TUT7: variants seen among roughly 807,000 people sequenced by gnomAD.
The protein encoded by TUT7 is terminal uridylyltransferase 7.
TUT7 carries 33 observed loss-of-function variants against 165.9 expected under a neutral mutation model. The observed-to-expected ratio is 0.20, with a 90% CI of 0.15 to 0.27. The LOEUF is 0.27. TUT7 is among the 10% of genes least tolerant of loss of function. The pLI, the probability that TUT7 is intolerant of heterozygous loss-of-function variation, is 1.00. For missense variants in TUT7, 1,338 were observed against 1,762.3 expected (o/e 0.76, Z 4.31); for synonymous variants, 552 against 608.1 (o/e 0.91, Z 1.36).
Position 86,346,448 on chromosome 9 carries a change from G to A in TUT7, c.553C>T (p.Pro185Ser). 7 of 1,613,914 alleles carry A rather than the reference G, an allele frequency of 4.3e-6. No individual in the cohort carries two copies. Among genetic ancestry groups the A allele is most frequent in the Non-Finnish European group, 5.9e-6 (7 of 1,179,886 alleles). The change falls in exon 3 of 27, where the codon CCA becomes TCA. Residue 185 changes from proline (P) to serine (S), a missense_variant. Around this residue, in one of 7 missense-constraint regions of TUT7, gnomAD observed 434 missense variants for 480.8 expected, o/e 0.90. Coordinates refer to ENST00000375963, the MANE Select transcript of TUT7 (RefSeq NM_024617.4). ...TTTTCCTCATTTCTAGTCTTCCGTG[G>A]CTTCCTAGGTCTGGACCTCTGCTTC... ...NKKQRSRPRK[P>S]RKTRNEENEQ... is the part of the protein sequence containing the mutation.
intron 26 of TUT7, among the ~76,000 whole-genome samples, chr9:86,294,501 C>T (rs1418279755): frequency 1.3e-5 from 2 of 151,750 alleles, no homozygotes; most frequent in Non-Finnish European, 2.9e-5. Flanking sequence ...TGTAATATAT[C>T]TTCTATTCCC....
chr9:86,352,434 T>G, intron 2 of TUT7: 1 of 573,374 alleles, frequency 1.7e-6, no homozygotes, highest in Non-Finnish European at 3.1e-6. Flanking sequence ...AAAACATGTT[T>G]ACTGACGTAA....
At chr9:86,317,660 T>C (rs933297524) in intron 16 of TUT7, among the ~76,000 whole-genome samples, 4 of 152,214 alleles carry the variant, frequency 2.6e-5, no homozygotes, top group African/African-American at 9.7e-5. Context: ...CCCAGCTCAT[T>C]CATTCTAAGC....
intron 26 of TUT7, among the ~76,000 whole-genome samples, chr9:86,291,268 C>T (rs1825874185): frequency 6.6e-6 from 1 of 151,992 alleles, no homozygotes; most frequent in Admixed American, 6.6e-5. Context: ...AGACAATTCA[C>T]AGAAGAGGAA....
chr9:86,310,639 G>C (rs1827966645), intron 18 of TUT7, 67 bp downstream of exon 18: 2 of 818,216 alleles, frequency 2.4e-6, no homozygotes, highest in South Asian at 3.0e-5. Context: ...TTTAACTTGA[G>C]GTTTTTGCAA....
intron 10 of TUT7, among the ~76,000 whole-genome samples, chr9:86,329,005 T>C (rs1830062729): frequency 6.6e-6 from 1 of 152,172 alleles, no homozygotes; most frequent in South Asian, 2.1e-4. Flanking sequence ...GACAACTATA[T>C]TGCTAGAAAA....
At chr9:86,304,329 G>A (rs1827251701) in intron 24 of TUT7, among the ~76,000 whole-genome samples, 1 of 152,092 alleles carries the variant, frequency 6.6e-6, no homozygotes, top group Admixed American at 6.5e-5. Context: ...TTCTCTCACT[G>A]AAATTATTTT....
chr9:86,338,984 A>G (rs1338434207), intron 8 of TUT7, 35 bp from the exon 9 acceptor site: 1 of 1,528,350 alleles, frequency 6.5e-7, no homozygotes, highest in East Asian at 2.3e-5. Flanking sequence ...TGGGAAAGAA[A>G]AAAAGAAAAA....
chr9:86,300,310 A>G (rs1826758761), intron 26 of TUT7, among the ~76,000 whole-genome samples: 1 of 152,242 alleles, frequency 6.6e-6, no homozygotes, highest in African/African-American at 2.4e-5. Context: ...AAAATAAAAT[A>G]GAAGAGAGGT....
chr9:86,324,093 CT>C, intron 12 of TUT7, 133 bp from the exon 13 acceptor site: 1 of 862,050 alleles, frequency 1.2e-6, no homozygotes, highest in Non-Finnish European at 1.6e-6. Context: ...ATTTTATAGA[CT>C]TAAAAAAAAA....
chr9:86,350,132 C>A (rs767936852), intron 2 of TUT7, among the ~76,000 whole-genome samples: 6 of 152,090 alleles, frequency 3.9e-5, no homozygotes, highest in Non-Finnish European at 8.8e-5. Flanking sequence ...GGTATCGAGA[C>A]TACCCCTGGC....
At chr9:86,340,934 T>C in intron 7 of TUT7, 68 bp downstream of exon 7, 2 of 1,259,982 alleles carry the variant, frequency 1.6e-6, no homozygotes, top group South Asian at 2.5e-5. Context: ...TTTTCAAAGT[T>C]TGAGAAATAA....
At chr9:86,291,572 C>CAAAAA (rs969598470) in intron 26 of TUT7, among the ~76,000 whole-genome samples, 2 of 48,100 alleles carry the variant, frequency 4.2e-5, no homozygotes, top group Non-Finnish European at 8.8e-5. Context: ...AACTCCATCT[C>CAAAAA]AAAAAAAAAA....
rs546758451 is a variant in TUT7, at chr9:86,345,059, T to C, written c.915A>G (p.Glu305=). 38 of 1,613,948 alleles carry C rather than the reference T, an allele frequency of 2.4e-5. No homozygotes were observed. The South Asian group carries it at 4.1e-4, about 17-fold the overall frequency. The change falls in exon 5 of 27, where the codon GAA becomes GAG. Residue 305 remains glutamate (E), a synonymous_variant. Coordinates refer to ENST00000375963, the MANE Select transcript of TUT7 (RefSeq NM_024617.4). Reference sequence around the variant, plus strand: ...CCAAGTTCTCATTGTGTAAGCCAAATTCCTGTACCACTTTGTCAATGGCAA... The same window carrying C: ...CCAAGTTCTCATTGTGTAAGCCAAACTCCTGTACCACTTTGTCAATGGCAA... ...VGIAIDKVVQ[E]FGLHNENLEQ... is the part of the protein sequence containing the mutation.
intron 11 of TUT7, among the ~76,000 whole-genome samples, chr9:86,325,758 A>C (rs749177726): frequency 6.6e-6 from 1 of 152,188 alleles, no homozygotes; most frequent in Non-Finnish European, 1.5e-5. Context: ...AATAGACAGG[A>C]TCAGTTTTAT....
At chr9:86,299,491 T>C (rs1441304885) in intron 26 of TUT7, among the ~76,000 whole-genome samples, 1 of 152,134 alleles carries the variant, frequency 6.6e-6, no homozygotes, top group African/African-American at 2.4e-5. Flanking sequence ...CCAAAGGAAA[T>C]TCCCTGTATC....
intron 26 of TUT7, among the ~76,000 whole-genome samples, chr9:86,292,587 C>T (rs1450844188): frequency 1.3e-5 from 2 of 150,486 alleles, no homozygotes; most frequent in African/African-American, 2.4e-5. Flanking sequence ...CTTCCACTAC[C>T]TCAGTGACAG....
At chr9:86,335,517 A>T (rs535128451) in intron 10 of TUT7, among the ~76,000 whole-genome samples, 6 of 152,216 alleles carry the variant, frequency 3.9e-5, no homozygotes, top group African/African-American at 1.4e-4. Context: ...AAGACAGATC[A>T]GAGAACACAG....
In TUT7 at chr9:86,345,114, G is replaced by T. The variant is rs1427189763; in HGVS notation, c.860C>A (p.Pro287Gln). ...AACTGCATTTATCTGGGAGGGTGTTGGTGGGGGTAACGTAGTGAGCAACTC... is the reference window on the plus strand; with the variant it reads ...AACTGCATTTATCTGGGAGGGTGTTTGTGGGGGTAACGTAGTGAGCAACTC... Reference protein sequence around the residue: ...EEELLTTLPPPTPSQINAVGI... With the variant: ...EEELLTTLPPQTPSQINAVGI... Residue 287 changes from proline to glutamine, a missense_variant, in exon 5 of 27, where the codon CCA (proline) becomes CAA (glutamine). Pro to Gln is a moderately conservative substitution (Grantham distance 76). Around this residue, in one of 7 missense-constraint regions of TUT7, gnomAD observed 434 missense variants for 480.8 expected, o/e 0.90. Coordinates refer to ENST00000375963, the MANE Select transcript of TUT7 (RefSeq NM_024617.4). 36 of 1,613,224 alleles carry T rather than the reference G, an allele frequency of 2.2e-5. No homozygotes were observed. The highest frequency in any genetic ancestry group is 3.1e-5 in the Non-Finnish European group (36 of 1,179,728).
Sources: allele counts gnomAD v4.1 joint callset (sites outside exome capture counted in the v4.1 genomes callset), GRCh38; gene constraint gnomAD v4.1.1; regional missense constraint gnomAD v4.1.1; transcripts MANE v1.5; gene names NCBI Gene and HGNC (gene_info 2026-07-23, HGNC 2026-07-21).